SLC35F4: variants seen among roughly 807,000 people sequenced by gnomAD.
The protein encoded by SLC35F4 is solute carrier family 35 member F4.
In SLC35F4, 24 loss-of-function variants were observed where a neutral mutation model predicts 44.2. The ratio of observed to expected loss-of-function variants is 0.54; its 90% confidence interval spans 0.39 to 0.76. The LOEUF is 0.76. Ranked by LOEUF, SLC35F4 falls within the 30% of genes least tolerant of loss-of-function variation. SLC35F4 has a pLI of 0.00. For missense variants in SLC35F4, 562 were observed against 586.1 expected (o/e 0.96, Z 0.42); for synonymous variants, 238 against 223.6 (o/e 1.06, Z -0.57).
At chr14:57,866,949 C>T (rs1369100464), upstream of SLC35F4, among the ~76,000 whole-genome samples, 1 of 125,820 alleles carries the variant, frequency 7.9e-6, no homozygotes, top group Admixed American at 8.7e-5. Context: ...GCAGACACAG[C>T]TTCCTGCAAA....
chr14:57,809,257 T>C (rs1205274157), intron 1 of SLC35F4, among the ~76,000 whole-genome samples: 1 of 152,192 alleles, frequency 6.6e-6, no homozygotes, highest in Non-Finnish European at 1.5e-5. Flanking sequence ...CAGTGTTAAG[T>C]GTCTCTCCCT....
intron 1 of SLC35F4, among the ~76,000 whole-genome samples, chr14:57,756,603 G>T (rs2076999160): frequency 6.6e-6 from 1 of 151,856 alleles, no homozygotes; most frequent in South Asian, 2.1e-4. Flanking sequence ...CAAGTTTGTT[G>T]ATAATGTTGT....
chr14:57,790,606 G>A (rs1408295952), intron 1 of SLC35F4, among the ~76,000 whole-genome samples: 1 of 152,120 alleles, frequency 6.6e-6, no homozygotes, highest in Non-Finnish European at 1.5e-5. Context: ...AGCTACCATT[G>A]ACTTTCTTCA....
rs1420801069 is a variant in SLC35F4, at chr14:57,790,443, T to C, written c.103+75280A>G. 2.0e-5 allele frequency among the ~76,000 whole-genome samples: 3 copies of C among 152,118 alleles called. 1 individual carries two copies. The highest frequency in any genetic ancestry group is 7.2e-5 in the African/African-American group (3 of 41,416). On this transcript the variant is annotated intron_variant, in intron 1 of 7. Transcript: ENST00000556826. ...CAACTTACAAGTGATGTGAAGGACC[T>C]CTTCAATGAAAACTACAAACCACTG...
Position 57,865,715 on chromosome 14 carries a change from C to T in SLC35F4, c.103+8G>A, listed in dbSNP as rs1380090765. On this transcript the variant is annotated splice_region_variant and intron_variant, in intron 1 of 7. Transcript: ENST00000556826. Reference sequence around the variant, plus strand: ...CGCCTCGCGCAGGGCAGCCGCGCGGCGTCTTACTTTTCTGGCTGGAGTAAC... The same window carrying T: ...CGCCTCGCGCAGGGCAGCCGCGCGGTGTCTTACTTTTCTGGCTGGAGTAAC... The T allele has an allele frequency of 1.3e-6, 2 of 1,515,774 alleles. No individual in the cohort carries two copies. Among genetic ancestry groups the T allele is most frequent in the Middle Eastern group, 1.7e-4 (1 of 5,926 alleles). The allele number at this position is 1,515,774 out of a possible 1,614,324, so 93.9% of individuals were successfully genotyped here.
chr14:57,650,482 C>T (rs2073739192), intron 1 of SLC35F4, among the ~76,000 whole-genome samples: 1 of 152,188 alleles, frequency 6.6e-6, no homozygotes, highest in African/African-American at 2.4e-5. Flanking sequence ...CTGATTTGCC[C>T]AAAACACACC....
chr14:57,584,307 A>AT (rs1479680862), intron 3 of SLC35F4, among the ~76,000 whole-genome samples: 3 of 152,146 alleles, frequency 2.0e-5, no homozygotes, highest in African/African-American at 4.8e-5. Context: ...GATATTACTG[A>AT]TAAAAAAATA....
chr14:57,740,128 G>A (rs1292045808), intron 1 of SLC35F4, among the ~76,000 whole-genome samples: 2 of 152,032 alleles, frequency 1.3e-5, no homozygotes, highest in African/African-American at 4.8e-5. Context: ...ACAAAGTGCT[G>A]GGATTACAGG....
intron 1 of SLC35F4, among the ~76,000 whole-genome samples, chr14:57,812,096 A>G (rs576750402): frequency 6.6e-6 from 1 of 152,316 alleles, no homozygotes; most frequent in Non-Finnish European, 1.5e-5. Context: ...CCAGTGGAGC[A>G]ACAGTGACAC....
chr14:57,924,779 T>C (rs1367519949), intron 1 of SLC35F4, among the ~76,000 whole-genome samples: 6 of 151,700 alleles, frequency 4.0e-5, no homozygotes, highest in African/African-American at 1.2e-4. Context: ...TTCCTTCCTT[T>C]CTTTCTTTTT....
At chr14:57,836,726 C>A (rs866758580) in intron 1 of SLC35F4, among the ~76,000 whole-genome samples, 3 of 152,052 alleles carry the variant, frequency 2.0e-5, no homozygotes, top group Non-Finnish European at 2.9e-5. Flanking sequence ...CTTTGTACTC[C>A]CCTAAGCACC....
chr14:57,604,112 C>G (rs2071005716), intron 1 of SLC35F4: 1 of 152,170 alleles, frequency 6.6e-6, no homozygotes, highest in African/African-American at 2.4e-5. Flanking sequence ...TGTAAGAGAG[C>G]TGGTTGATTC....
In SLC35F4 at chr14:57,788,972, A is replaced by C. The variant is rs190139878; in HGVS notation, c.103+76751T>G. The stretch of plus-strand genomic sequence containing the variant: ...AGCTCTTTGAACCCAATGAGAACAA[A>C]GATAAAGTGTACCAGAATCTCTGGG... On this transcript the variant is annotated intron_variant, in intron 1 of 7. Transcript: ENST00000556826. 6.6e-5 allele frequency among the ~76,000 whole-genome samples: 10 copies of C among 152,354 alleles called. No homozygotes were observed. The East Asian group carries it at 1.9e-3, about 29-fold the overall frequency.
chr14:57,917,639 C>A (rs953383201), intron 1 of SLC35F4, among the ~76,000 whole-genome samples: 1 of 152,074 alleles, frequency 6.6e-6, no homozygotes, highest in Non-Finnish European at 1.5e-5. Context: ...GGTGGGGAAG[C>A]ATTCTATAGT....
intron 3 of SLC35F4, among the ~76,000 whole-genome samples, chr14:57,588,051 T>TG (rs11407863): frequency 0.33 from 50,148 of 151,624 alleles, 8,367 homozygotes; most frequent in Middle Eastern, 0.37. Context: ...CCAGGCATGG[T>TG]GGCGGGCGCT....
intron 1 of SLC35F4, among the ~76,000 whole-genome samples, chr14:57,661,785 C>T (rs888726060): frequency 6.6e-6 from 1 of 152,146 alleles, no homozygotes; most frequent in African/African-American, 2.4e-5. Context: ...ATTTGCTTGG[C>T]CCCACTTCCA....
Position 57,816,833 on chromosome 14 carries a change from A to G in SLC35F4, c.103+48890T>C, listed in dbSNP as rs531352035. On this transcript the variant is annotated intron_variant, in intron 1 of 7. Coordinates refer to ENST00000556826, the MANE Select transcript of SLC35F4 (RefSeq NM_001306087.2). ...GCATTCTGTAGACTACACAGGAGGC[A>G]TGATTGAGTTTCAGCTGCCCACAAC... Among the ~76,000 whole-genome samples, 30 of 152,352 alleles carry G rather than the reference A, an allele frequency of 2.0e-4. No individual in the cohort carries two copies. In the South Asian group the frequency reaches 5.8e-3, roughly 29 times the overall value.
At chr14:57,678,391 C>A (rs1027892718) in intron 1 of SLC35F4, among the ~76,000 whole-genome samples, 6 of 152,006 alleles carry the variant, frequency 3.9e-5, no homozygotes, top group Admixed American at 2.0e-4. Flanking sequence ...TGGAAAGGAA[C>A]AACTGTGCAA....
intron 1 of SLC35F4, among the ~76,000 whole-genome samples, chr14:57,728,057 G>T (rs1385516802): frequency 6.6e-6 from 1 of 151,984 alleles, no homozygotes; most frequent in Admixed American, 6.6e-5. Flanking sequence ...AATTTATCTG[G>T]GTGCTCCAGT....
Sources: allele counts gnomAD v4.1 joint callset (sites outside exome capture counted in the v4.1 genomes callset), GRCh38; gene constraint gnomAD v4.1.1; transcripts MANE v1.5; gene names NCBI Gene and HGNC (gene_info 2026-07-23, HGNC 2026-07-21).